PARM1: variants seen among roughly 807,000 people sequenced by gnomAD.
PARM1 encodes the protein prostate androgen-regulated mucin-like protein 1, also known as WSC4, cell wall integrity and stress response component 4 homolog.
In PARM1, 14 loss-of-function variants were observed where a neutral mutation model predicts 24.6. That is an observed-to-expected ratio of 0.57 (90% CI 0.38 to 0.89). The LOEUF is 0.89. Ranked by LOEUF, PARM1 falls within the 40% of genes least tolerant of loss-of-function variation. The pLI is 0.00. For missense variants in PARM1, 362 were observed against 380.4 expected (o/e 0.95, Z 0.40); for synonymous variants, 179 against 156.6 (o/e 1.14, Z -1.07).
At chr4:74,990,517 T>C (rs1722446630) in intron 1 of PARM1, among the ~76,000 whole-genome samples, 1 of 152,102 alleles carries the variant, frequency 6.6e-6, no homozygotes, top group African/African-American at 2.4e-5. Context: ...GCAGGCACAG[T>C]ACCAGAAACA....
intron 1 of PARM1, among the ~76,000 whole-genome samples, chr4:74,979,068 A>G (rs760479977): frequency 6.6e-6 from 1 of 152,084 alleles, no homozygotes; most frequent in Non-Finnish European, 1.5e-5. Context: ...CCAAGAGCAA[A>G]CAACCCCAAA....
At chr4:74,998,404 A>C (rs933523400) in intron 1 of PARM1, among the ~76,000 whole-genome samples, 10 of 152,236 alleles carry the variant, frequency 6.6e-5, no homozygotes, top group Non-Finnish European at 1.5e-4. Context: ...AAAGTCTAAA[A>C]GCTTCTTGCA....
intron 1 of PARM1, among the ~76,000 whole-genome samples, chr4:74,978,501 A>G (rs1049567794): frequency 1.3e-5 from 2 of 152,218 alleles, no homozygotes. Flanking sequence ...ATACTCCCAC[A>G]CATAATAGTG....
chr4:74,949,681 C>T (rs575513736), intron 1 of PARM1, among the ~76,000 whole-genome samples: 1 of 152,226 alleles, frequency 6.6e-6, no homozygotes, highest in African/African-American at 2.4e-5. Flanking sequence ...GTTAGAACAT[C>T]ACCTAGGCAA....
At chr4:75,042,104 T>C (rs1382844355) in intron 3 of PARM1, among the ~76,000 whole-genome samples, 1 of 152,228 alleles carries the variant, frequency 6.6e-6, no homozygotes. Context: ...ATGGGCCATA[T>C]TAATCCTAGC....
intron 1 of PARM1, among the ~76,000 whole-genome samples, chr4:74,935,987 A>G (rs1721174799): frequency 6.6e-6 from 1 of 152,188 alleles, no homozygotes; most frequent in East Asian, 1.9e-4. Flanking sequence ...TCACACCACC[A>G]TAGGCAGCTA....
At chr4:74,989,984 A>G (rs961936709) in intron 1 of PARM1, among the ~76,000 whole-genome samples, 1 of 152,158 alleles carries the variant, frequency 6.6e-6, no homozygotes, top group African/African-American at 2.4e-5. Flanking sequence ...ATGTAGAAAA[A>G]ATATGAATAT....
chr4:74,952,624 A>T (rs917833385), intron 1 of PARM1, among the ~76,000 whole-genome samples: 1 of 152,232 alleles, frequency 6.6e-6, no homozygotes, highest in Non-Finnish European at 1.5e-5. Context: ...GAAGGGGTCC[A>T]GTTTCAGTTT....
At chr4:74,942,845 C>G (rs955532461) in intron 1 of PARM1, among the ~76,000 whole-genome samples, 2 of 152,192 alleles carry the variant, frequency 1.3e-5, no homozygotes, top group African/African-American at 2.4e-5. Flanking sequence ...AGTCACTGCT[C>G]TGTTCAGAGC....
intron 1 of PARM1, among the ~76,000 whole-genome samples, chr4:74,987,082 T>G (rs1722372243): frequency 1.3e-5 from 2 of 152,252 alleles, no homozygotes; most frequent in African/African-American, 4.8e-5. Flanking sequence ...TATTAGTGCT[T>G]TTCTTTCATA....
At chr4:74,971,477 T>A (rs1722036628) in intron 1 of PARM1, among the ~76,000 whole-genome samples, 1 of 152,214 alleles carries the variant, frequency 6.6e-6, no homozygotes, top group African/African-American at 2.4e-5. Flanking sequence ...TTTTTGCTTT[T>A]ACCACTTTAA....
chr4:75,031,789 G>T (rs1016238412), intron 2 of PARM1, among the ~76,000 whole-genome samples: 1 of 152,084 alleles, frequency 6.6e-6, no homozygotes, highest in Non-Finnish European at 1.5e-5. Context: ...TAAATTAAAA[G>T]GTCAGTTTTT....
chr4:74,999,771 G>T (rs1035194164), intron 1 of PARM1, among the ~76,000 whole-genome samples: 3 of 152,112 alleles, frequency 2.0e-5, no homozygotes, highest in African/African-American at 7.2e-5. Flanking sequence ...AGGCAGGCCA[G>T]GTTTTCTAAA....
intron 1 of PARM1, among the ~76,000 whole-genome samples, chr4:75,005,990 G>C (rs1251910423): frequency 1.3e-5 from 2 of 152,166 alleles, no homozygotes; most frequent in Non-Finnish European, 2.9e-5. Flanking sequence ...CAATGTCACT[G>C]TGTTTTGAAA....
intron 1 of PARM1, among the ~76,000 whole-genome samples, chr4:74,940,663 A>G (rs901934738): frequency 6.6e-6 from 1 of 152,216 alleles, no homozygotes; most frequent in Non-Finnish European, 1.5e-5. Flanking sequence ...AATCCCACAG[A>G]TAGACAGGAG....
intron 1 of PARM1, 56 bp from the exon 2 acceptor site, chr4:75,012,369 T>G: frequency 6.4e-7 from 1 of 1,566,276 alleles, no homozygotes; most frequent in Non-Finnish European, 8.7e-7. Context: ...TTGCCTCTAT[T>G]TCACATATTA....
At chr4:74,952,354 A>G (rs189055809) in intron 1 of PARM1, among the ~76,000 whole-genome samples, 42 of 152,240 alleles carry the variant, frequency 2.8e-4, no homozygotes, top group South Asian at 1.2e-3. Context: ...TGTCAGATGG[A>G]TAGATTACAA....
At chr4:74,998,778 A>G (rs1485272418) in intron 1 of PARM1, among the ~76,000 whole-genome samples, 1 of 152,186 alleles carries the variant, frequency 6.6e-6, no homozygotes, top group Non-Finnish European at 1.5e-5. Context: ...CCCTTTCTTT[A>G]TTCAGGGAAA....
chr4:75,031,700 T>A (rs1039238692), intron 2 of PARM1, among the ~76,000 whole-genome samples: 5 of 152,184 alleles, frequency 3.3e-5, no homozygotes, highest in African/African-American at 1.2e-4. Context: ...TATTAAACTA[T>A]CCCTGGAGCA....
Sources: allele counts gnomAD v4.1 joint callset (sites outside exome capture counted in the v4.1 genomes callset), GRCh38; gene constraint gnomAD v4.1.1; transcripts MANE v1.5; gene names NCBI Gene and HGNC (gene_info 2026-07-23, HGNC 2026-07-21).